PLD5: variants seen among roughly 807,000 people sequenced by gnomAD.
The protein encoded by PLD5 is phospholipase D family member 5, also known as inactive phospholipase D5.
In PLD5, 36 loss-of-function variants were observed where a neutral mutation model predicts 61.1. That is an observed-to-expected ratio of 0.59 (90% CI 0.45 to 0.78). PLD5 has a LOEUF of 0.78. PLD5 is among the 30% of genes least tolerant of loss of function. The pLI, the probability that PLD5 is intolerant of heterozygous loss-of-function variation, is 0.00. For missense variants in PLD5, 515 were observed against 644.4 expected, an observed-to-expected ratio of 0.80 and a Z score of 2.17; for synonymous variants, 243 against 242.8, an observed-to-expected ratio of 1.00 and a Z score of -0.01.
chr1:242,304,563 A>G lies in PLD5; in HGVS notation c.327-16033T>C, dbSNP rs765604784. On this transcript the variant is annotated intron_variant, in intron 2 of 9. Transcript: ENST00000536534. Reference sequence around the variant, plus strand: ...GTTGATTCACTTTCAGACCCCCAAAAGTAGCACGTAAGCCTATGCAGGAAT... The same window carrying G: ...GTTGATTCACTTTCAGACCCCCAAAGGTAGCACGTAAGCCTATGCAGGAAT... 1.1e-4 allele frequency among the ~76,000 whole-genome samples: 16 copies of G among 152,242 alleles called. 1 individual carries two copies. Among genetic ancestry groups the G allele is most frequent in the Admixed American group, 9.2e-4 (14 of 15,290 alleles).
chr1:242,340,552 TAAG>T (rs1475628811), intron 2 of PLD5, among the ~76,000 whole-genome samples: 3 of 151,458 alleles, frequency 2.0e-5, no homozygotes, highest in Non-Finnish European at 2.9e-5. Context: ...TGCCCCTTAA[TAAG>T]AAGAATAATA....
chr1:242,425,296 C>T (rs1665357038), intron 1 of PLD5, among the ~76,000 whole-genome samples: 1 of 152,218 alleles, frequency 6.6e-6, no homozygotes, highest in Non-Finnish European at 1.5e-5. Context: ...GCCTATTGCT[C>T]TTCAGCCACA....
At chr1:242,487,289 C>G (rs1170772464) in intron 1 of PLD5, among the ~76,000 whole-genome samples, 3 of 152,086 alleles carry the variant, frequency 2.0e-5, no homozygotes, top group Admixed American at 2.0e-4. Flanking sequence ...TAGTACTTCT[C>G]AGCAGTAAAA....
intron 2 of PLD5, among the ~76,000 whole-genome samples, chr1:242,342,114 A>G (rs1033163131): frequency 1.2e-4 from 19 of 152,208 alleles, no homozygotes; most frequent in Admixed American, 1.2e-3. Flanking sequence ...ATTAATTTCC[A>G]TATTGTCATG....
chr1:242,299,884 C>G (rs1274057608), intron 2 of PLD5, among the ~76,000 whole-genome samples: 3 of 152,188 alleles, frequency 2.0e-5, no homozygotes, highest in African/African-American at 7.2e-5. Flanking sequence ...ATGAGCTCTC[C>G]AAGTGCTGAA....
intron 2 of PLD5, among the ~76,000 whole-genome samples, chr1:242,334,408 A>G (rs556766109): frequency 6.6e-6 from 1 of 152,328 alleles, no homozygotes; most frequent in East Asian, 1.9e-4. Flanking sequence ...TCATATTATA[A>G]GGACAAAATA....
At chr1:242,479,936 AG>A (rs1391011774) in intron 1 of PLD5, among the ~76,000 whole-genome samples, 3 of 152,008 alleles carry the variant, frequency 2.0e-5, no homozygotes, top group African/African-American at 7.2e-5. Flanking sequence ...CTGTAGTCCC[AG>A]CTACTTGGGA....
At chr1:242,224,044 GCTGT>G (rs1198479985) in intron 4 of PLD5, among the ~76,000 whole-genome samples, 1 of 152,096 alleles carries the variant, frequency 6.6e-6, no homozygotes, top group East Asian at 1.9e-4. Context: ...AAAATATAAT[GCTGT>G]CTGACTACAA....
intron 1 of PLD5, among the ~76,000 whole-genome samples, chr1:242,374,820 C>A (rs10803041): frequency 0.95 from 145,250 of 152,296 alleles, 69,629 homozygotes; most frequent in Non-Finnish European, 1. Flanking sequence ...AAACTTAAGC[C>A]CAAAAATGGA....
At chr1:242,155,868 G>T (rs573530040) in intron 5 of PLD5, among the ~76,000 whole-genome samples, 2 of 152,232 alleles carry the variant, frequency 1.3e-5, no homozygotes, top group Admixed American at 6.5e-5. Context: ...AATTAGGTCT[G>T]CTTGGTCCAG....
At chr1:242,352,060 G>A (rs1660507417) in intron 1 of PLD5, among the ~76,000 whole-genome samples, 1 of 152,106 alleles carries the variant, frequency 6.6e-6, no homozygotes, top group African/African-American at 2.4e-5. Flanking sequence ...TTTTCATGAT[G>A]AGAACATTGG....
At position 242,362,025 on chromosome 1, in the gene PLD5, C is replaced by T. The variant is rs567664255; in HGVS notation, c.190-13783G>A. Among the ~76,000 whole-genome samples, 65 of 151,152 alleles carry T rather than the reference C, an allele frequency of 4.3e-4. 2 individuals are homozygous for T. The highest frequency in any genetic ancestry group is 7.4e-4 in the Non-Finnish European group (50 of 67,850). Reference sequence around the variant, plus strand: ...TAAAGAGGAAAAAAATGGAATTTACCTTTAGGAAACTATGACCCTAGAGGT... The same window carrying T: ...TAAAGAGGAAAAAAATGGAATTTACTTTTAGGAAACTATGACCCTAGAGGT... On this transcript the variant is annotated intron_variant, in intron 1 of 9. Transcript: ENST00000536534.
Position 242,335,809 on chromosome 1 carries a change from T to C in PLD5, c.326+12297A>G, listed in dbSNP as rs1659467924. ...TCTATGAAGGTAAAACATTAATAAC[T>C]GCCTATGAAAATTTCCCACAAATTG... On this transcript the variant is annotated intron_variant, in intron 2 of 9. Coordinates refer to ENST00000536534, the MANE Select transcript of PLD5 (RefSeq NM_001372062.1). Among the ~76,000 whole-genome samples the C allele has an allele frequency of 2.6e-5, 4 of 152,216 alleles. No individual in the cohort carries two copies. The South Asian group carries it at 8.3e-4, about 32-fold the overall frequency.
At chr1:242,198,287 T>C (rs955863791) in intron 5 of PLD5, among the ~76,000 whole-genome samples, 1 of 152,106 alleles carries the variant, frequency 6.6e-6, no homozygotes, top group Non-Finnish European at 1.5e-5. Flanking sequence ...AGTCTAGTCT[T>C]TAAATTTGGA....
chr1:242,453,333 C>G (rs1027648751), intron 1 of PLD5, among the ~76,000 whole-genome samples: 1 of 152,144 alleles, frequency 6.6e-6, no homozygotes, highest in Non-Finnish European at 1.5e-5. Context: ...AAATAAGTTT[C>G]TTTGTTTGTA....
At position 242,083,794 on chromosome 1, in the gene PLD5, A is replaced by G. The variant is rs1659345258; in HGVS notation, c.*6060T>C. ...TTGTCTTTAAAGATCTTCATCCTCT[A>G]TTTATATTGGAAAGTAACATATAAT... On this transcript the variant is annotated 3_prime_UTR_variant, in exon 10 of 10. Coordinates refer to ENST00000536534, the MANE Select transcript of PLD5 (RefSeq NM_001372062.1). 6.6e-6 allele frequency: 1 copy of G among 152,212 alleles called. No homozygotes were observed. Among genetic ancestry groups the G allele is most frequent in the Non-Finnish European group, 1.5e-5 (1 of 68,038 alleles). The allele number at this position is 152,212 out of a possible 1,614,324, so 9.4% of individuals were successfully genotyped here.
chr1:242,505,637 T>C (rs1428993047), intron 1 of PLD5, among the ~76,000 whole-genome samples: 4 of 152,336 alleles, frequency 2.6e-5, no homozygotes, highest in East Asian at 3.9e-4. Context: ...TTCCATGTGA[T>C]GGACCAGAGA....
At position 242,425,586 on chromosome 1, in the gene PLD5, G is replaced by C. The variant is rs560289957; in HGVS notation, c.190-77344C>G. Among the ~76,000 whole-genome samples the C allele has an allele frequency of 7.4e-5, 11 of 148,708 alleles. No individual in the cohort carries two copies. In the South Asian group the frequency reaches 2.4e-3, roughly 32 times the overall value. On this transcript the variant is annotated intron_variant, in intron 1 of 9. Coordinates refer to ENST00000536534, the MANE Select transcript of PLD5 (RefSeq NM_001372062.1). Reference sequence around the variant, plus strand: ...TATATGCTTAGGCTACACTACATTTGTGTTTAAACATTTTTCTTTCTTCAA... The same window carrying C: ...TATATGCTTAGGCTACACTACATTTCTGTTTAAACATTTTTCTTTCTTCAA...
At chr1:242,274,223 G>A (rs191567348) in intron 3 of PLD5, among the ~76,000 whole-genome samples, 11 of 152,194 alleles carry the variant, frequency 7.2e-5, no homozygotes, top group Admixed American at 7.2e-4. Flanking sequence ...ACAAATGAGA[G>A]ATGAAGGGAT....
Sources: gnomAD v4.1 joint callset for allele counts (sites outside exome capture counted in the v4.1 genomes callset) on GRCh38, gnomAD v4.1.1 for gene constraint, MANE v1.5 for transcripts, NCBI Gene and HGNC (gene_info 2026-07-23, HGNC 2026-07-21) for gene names.